MTR: variants seen among roughly 807,000 people sequenced by gnomAD.
The protein encoded by MTR is methionine synthase.
MTR carries 84 observed loss-of-function variants against 154.8 expected under a neutral mutation model. The observed-to-expected ratio is 0.54, with a 90% CI of 0.45 to 0.65. MTR has a LOEUF of 0.65. Ranked by LOEUF, MTR falls within the 30% of genes least tolerant of loss-of-function variation. The pLI is 0.00. For missense variants in MTR, 1,275 were observed against 1,570.2 expected (o/e 0.81, Z 3.18); for synonymous variants, 554 against 553.9 (o/e 1.00, Z 0.00).
chr1:236,811,980 G>C (rs1022103619), intron 5 of MTR, among the ~76,000 whole-genome samples: 1 of 152,186 alleles, frequency 6.6e-6, no homozygotes, highest in African/African-American at 2.4e-5. Context: ...TCCTGGGTTT[G>C]AGCGATTATC....
Position 236,825,329 on chromosome 1 carries a change from CT to C in MTR, c.866-6del, listed in dbSNP as rs751667932. 6.2e-7 allele frequency: 1 copy of C among 1,610,054 alleles called. No individual in the cohort carries two copies. ...AATTTGCAATAATGGTTGAATTATC[CT>C]TTCTCAGGTCTTCCCAACACCTTTG... On this transcript the variant is annotated splice_region_variant and splice_polypyrimidine_tract_variant and intron_variant, in intron 9 of 32. Coordinates refer to ENST00000366577, the MANE Select transcript of MTR (RefSeq NM_000254.3).
chr1:236,808,494 A>G (rs972381199), intron 3 of MTR, among the ~76,000 whole-genome samples: 3 of 152,218 alleles, frequency 2.0e-5, no homozygotes, highest in Non-Finnish European at 4.4e-5. Context: ...AGGAGAACCT[A>G]AAAGCAGTTC....
At chr1:236,890,155 C>T (rs902086584) in intron 28 of MTR, among the ~76,000 whole-genome samples, 2 of 144,772 alleles carry the variant, frequency 1.4e-5, no homozygotes, top group Admixed American at 1.3e-4. Context: ...CACGGGGGGG[C>T]GTGCCTGGGT....
chr1:236,891,088 A>G, intron 28 of MTR, 45 bp from the exon 29 acceptor site: 2 of 1,599,092 alleles, frequency 1.3e-6, no homozygotes, highest in South Asian at 1.1e-5. Flanking sequence ...TTTGATGGTT[A>G]TTTTTGGCAT....
intron 8 of MTR, among the ~76,000 whole-genome samples, chr1:236,822,312 G>GTTTTTTT (rs199660325): frequency 4.0e-5 from 5 of 124,936 alleles, no homozygotes; most frequent in Admixed American, 8.9e-5. Flanking sequence ...GGTTTTTTTT[G>GTTTTTTT]TTTTTTTTTT....
rs148697607 is a variant in MTR at position 236,808,891 on chromosome 1, A to G, written c.409+118A>G. ...GCCTTTGGCTTACGAGTAACACTGC[A>G]GAGACTGTATTTTACATGTTTGTAG... On this transcript the variant is annotated intron_variant, in intron 4 of 32. Transcript: ENST00000366577. The G allele has an allele frequency of 4.2e-4, 357 of 843,466 alleles. No individual in the cohort carries two copies. In the African/African-American group the frequency reaches 4.6e-3, roughly 11 times the overall value. The allele number at this position is 843,466 out of a possible 1,614,324, so 52.2% of individuals were successfully genotyped here.
At chr1:236,807,882 T>C (rs998352965) in intron 3 of MTR, among the ~76,000 whole-genome samples, 4 of 152,222 alleles carry the variant, frequency 2.6e-5, no homozygotes, top group African/African-American at 9.6e-5. Context: ...GAAGCAGCTA[T>C]AGACATTATA....
intron 3 of MTR, among the ~76,000 whole-genome samples, chr1:236,806,794 T>C (rs779752604): frequency 2.6e-5 from 4 of 152,224 alleles, no homozygotes; most frequent in Non-Finnish European, 5.9e-5. Flanking sequence ...TCTGTCTCTA[T>C]GAATTTGACT....
chr1:236,883,907 A>G (rs527632382), intron 25 of MTR, among the ~76,000 whole-genome samples: 2 of 152,266 alleles, frequency 1.3e-5, no homozygotes, highest in East Asian at 1.9e-4. Context: ...CTTTTTGTGT[A>G]TTAGATAATC....
At chr1:236,890,689 G>A (rs1308062256) in intron 28 of MTR, among the ~76,000 whole-genome samples, 2 of 152,150 alleles carry the variant, frequency 1.3e-5, no homozygotes, top group Non-Finnish European at 2.9e-5. Flanking sequence ...AATGTCAATC[G>A]TTACGAATTA....
At chr1:236,808,120 C>T (rs1452750323) in intron 3 of MTR, among the ~76,000 whole-genome samples, 2 of 152,132 alleles carry the variant, frequency 1.3e-5, no homozygotes, top group African/African-American at 2.4e-5. Flanking sequence ...TCTGGAGGGC[C>T]GTGAACCTCC....
chr1:236,824,793 G>A (rs1410715042), intron 9 of MTR, among the ~76,000 whole-genome samples: 1 of 152,132 alleles, frequency 6.6e-6, no homozygotes, highest in Non-Finnish European at 1.5e-5. Flanking sequence ...CTCCAAATGT[G>A]TCATTTTAAT....
At chr1:236,798,159 A>G (rs1184362202) in intron 1 of MTR, among the ~76,000 whole-genome samples, 2 of 152,156 alleles carry the variant, frequency 1.3e-5, no homozygotes, top group Non-Finnish European at 2.9e-5. Context: ...TAATGCAGAA[A>G]ATAAAAATGT....
chr1:236,812,649 C>A, intron 5 of MTR, 89 bp from the exon 6 acceptor site: 1 of 976,872 alleles, frequency 1.0e-6, no homozygotes, highest in Non-Finnish European at 1.7e-6. Context: ...AGCAATAGTT[C>A]ACAGGTGCCA....
chr1:236,867,232 G>A (rs927677568), intron 22 of MTR, among the ~76,000 whole-genome samples: 2 of 152,130 alleles, frequency 1.3e-5, no homozygotes, highest in African/African-American at 4.8e-5. Context: ...AAGCCAGTGC[G>A]CATTTGCCAT....
At chr1:236,808,151 T>C (rs551141558) in intron 3 of MTR, among the ~76,000 whole-genome samples, 1 of 152,290 alleles carries the variant, frequency 6.6e-6, no homozygotes, top group Admixed American at 6.5e-5. Context: ...GGCAACACTA[T>C]GTGTGTATGT....
chr1:236,819,525 G>T, intron 8 of MTR: 1 of 325,314 alleles, frequency 3.1e-6, no homozygotes. Context: ...TGGTTGCTTC[G>T]AAGTTGTAGC....
chr1:236,813,861 G>A (rs948716270), intron 6 of MTR, among the ~76,000 whole-genome samples: 3 of 152,028 alleles, frequency 2.0e-5, no homozygotes, highest in Admixed American at 6.6e-5. Context: ...TTGTGTGTGC[G>A]TTTTAATGGT....
intron 25 of MTR, among the ~76,000 whole-genome samples, chr1:236,881,399 TATAACA>T (rs911796512): frequency 6.6e-5 from 10 of 152,258 alleles, no homozygotes; most frequent in Non-Finnish European, 1.5e-4. Context: ...AATAATGGGA[TATAACA>T]GCTGGGGTGC....
Sources: gnomAD v4.1 joint callset for allele counts (sites outside exome capture counted in the v4.1 genomes callset) on GRCh38, gnomAD v4.1.1 for gene constraint, MANE v1.5 for transcripts, NCBI Gene and HGNC (gene_info 2026-07-23, HGNC 2026-07-21) for gene names.